The following NEXMIF variants were observed in gnomAD, a reference collection of about 807,000 sequenced individuals.
NEXMIF encodes the protein neurite extension and migration factor.
In NEXMIF, 8 loss-of-function variants were observed where a neutral mutation model predicts 62.1. The ratio of observed to expected loss-of-function variants is 0.13; its 90% confidence interval spans 0.08 to 0.23. The LOEUF (loss-of-function observed/expected upper bound fraction) is 0.23, where lower values mean the gene tolerates loss of function less well. NEXMIF is among the 10% of genes least tolerant of loss of function. The probability of loss-of-function intolerance (pLI) is 1.00; values close to 1 mark genes in which losing one functional copy is unlikely to be tolerated. For synonymous variants in NEXMIF, 404 were observed against 416.6 expected (o/e 0.97, Z 0.37); for missense variants, 976 against 1,113.3 (o/e 0.88, Z 1.75).
At chrX:74,797,455 T>C (rs1241895051) in intron 1 of NEXMIF, among the ~76,000 whole-genome samples, 1 of 112,076 alleles carries the variant, frequency 8.9e-6, no homozygotes, top group Non-Finnish European at 1.9e-5. Flanking sequence ...TTTGCAACTT[T>C]TCTGTAAGTA....
intron 1 of NEXMIF, among the ~76,000 whole-genome samples, chrX:74,833,096 A>C (rs773300600): frequency 5.3e-5 from 6 of 112,997 alleles, no homozygotes; most frequent in Non-Finnish European, 1.1e-4. Flanking sequence ...CAGCCTTTGG[A>C]TGAAATGTTC....
chrX:74,875,301 GA>G (rs1453687750), intron 1 of NEXMIF, among the ~76,000 whole-genome samples: 7 of 111,557 alleles, frequency 6.3e-5, no homozygotes, highest in African/African-American at 1.6e-4. Context: ...TACATTTATT[GA>G]TTTGCGTATA....
rs2080119765 is a variant in NEXMIF at position 74,744,552 on chromosome X, G to T, written c.80-75C>A. 3.2e-5 allele frequency: 24 copies of T among 753,599 alleles called. No homozygotes were observed. The South Asian group carries it at 7.3e-4, about 23-fold the overall frequency. 62.1% of individuals were successfully genotyped at this position (753,599 alleles called of 1,213,427 possible). ...CAGACTCATTAACTCTCTTTCCCTT[G>T]ATCAGTTTCTGGTACTTGATCTTAT... On this transcript the variant is annotated intron_variant, in intron 2 of 3. Coordinates refer to ENST00000055682, the MANE Select transcript of NEXMIF (RefSeq NM_001008537.3).
In NEXMIF at chrX:74,769,739, G is replaced by A; in HGVS notation, c.-47-24042C>T. The stretch of plus-strand genomic sequence containing the variant: ...CCATTTTCCACTGGAGTTACTGAAA[G>A]ATGAGGGACTGCAGTACTTGGAGAG... On this transcript the variant is annotated intron_variant, in intron 1 of 3. Coordinates refer to ENST00000055682, the MANE Select transcript of NEXMIF (RefSeq NM_001008537.3). 5.1e-6 allele frequency: 3 copies of A among 587,612 alleles called. No homozygotes were observed. In the South Asian group the frequency reaches 6.7e-5, roughly 13 times the overall value. The allele number at this position is 587,612 out of a possible 1,213,427, so 48.4% of individuals were successfully genotyped here.
intron 1 of NEXMIF, among the ~76,000 whole-genome samples, chrX:74,823,334 C>T (rs1051546718): frequency 6.3e-5 from 7 of 111,065 alleles, no homozygotes; most frequent in African/African-American, 1.6e-4. Flanking sequence ...ATGCCTTATA[C>T]GAGTGAATTG....
At chrX:74,835,169 T>A (rs2147486361) in intron 1 of NEXMIF, among the ~76,000 whole-genome samples, 1 of 112,156 alleles carries the variant, frequency 8.9e-6, no homozygotes, top group South Asian at 3.7e-4. Flanking sequence ...TATTTTAATC[T>A]CTTTGTTAAG....
intron 1 of NEXMIF, among the ~76,000 whole-genome samples, chrX:74,795,426 A>G (rs2080303281): frequency 1.8e-5 from 2 of 112,382 alleles, no homozygotes; most frequent in Admixed American, 1.9e-4. Context: ...AGGAGACAGA[A>G]GCCATACCCA....
At chrX:74,835,359 T>C (rs1204564009) in intron 1 of NEXMIF, among the ~76,000 whole-genome samples, 1 of 111,522 alleles carries the variant, frequency 9.0e-6, no homozygotes, top group Non-Finnish European at 1.9e-5. Flanking sequence ...ATCTTGCTGC[T>C]TGTAGATGTT....
intron 1 of NEXMIF, among the ~76,000 whole-genome samples, chrX:74,878,359 G>C (rs1602262137): frequency 8.9e-6 from 1 of 112,157 alleles, no homozygotes; most frequent in Non-Finnish European, 1.9e-5. Flanking sequence ...CAGATCTCCA[G>C]CTGCGTGCTG....
At chrX:74,893,181 A>C (rs2080723210) in intron 1 of NEXMIF, among the ~76,000 whole-genome samples, 1 of 112,484 alleles carries the variant, frequency 8.9e-6, no homozygotes, top group Admixed American at 9.4e-5. Flanking sequence ...CAAACAGTTA[A>C]AGGATGAAGA....
At chrX:74,882,839 G>C (rs1046835114) in intron 1 of NEXMIF, among the ~76,000 whole-genome samples, 1 of 112,259 alleles carries the variant, frequency 8.9e-6, no homozygotes, top group African/African-American at 3.2e-5. Context: ...AGAATGGGCA[G>C]ACTGCCTCCT....
chrX:74,796,354 T>C (rs2083333573), intron 1 of NEXMIF, among the ~76,000 whole-genome samples: 1 of 93,277 alleles, frequency 1.1e-5, no homozygotes, highest in African/African-American at 4.0e-5. Flanking sequence ...GATATATATG[T>C]ATACAAAGGT....
chrX:74,752,059 G>A (rs1440610562), intron 1 of NEXMIF, among the ~76,000 whole-genome samples: 2 of 110,953 alleles, frequency 1.8e-5, no homozygotes, highest in African/African-American at 6.6e-5. Flanking sequence ...CGGCTGTCTC[G>A]GCCTCCCAAA....
intron 1 of NEXMIF, among the ~76,000 whole-genome samples, chrX:74,896,565 T>C: frequency 8.9e-6 from 1 of 112,129 alleles, no homozygotes; most frequent in South Asian, 3.7e-4. Flanking sequence ...AAAAGTTTTC[T>C]AGCTCTTTCT....
At chrX:74,886,514 CAG>C (rs992848264) in intron 1 of NEXMIF, among the ~76,000 whole-genome samples, 12 of 111,712 alleles carry the variant, frequency 1.1e-4, no homozygotes, top group African/African-American at 3.9e-4. Context: ...AACAGACAAA[CAG>C]AGAGCCAAAT....
At chrX:74,783,808 A>T (rs950284098) in intron 1 of NEXMIF, among the ~76,000 whole-genome samples, 3 of 111,833 alleles carry the variant, frequency 2.7e-5, no homozygotes, top group Non-Finnish European at 5.6e-5. Context: ...TTTATTGTCC[A>T]TCTGTAAGAT....
chrX:74,901,084 G>A (rs1279869969), intron 1 of NEXMIF, among the ~76,000 whole-genome samples: 2 of 111,763 alleles, frequency 1.8e-5, no homozygotes, highest in African/African-American at 6.5e-5. Context: ...GGATGGTGGT[G>A]ATGGTTGCAT....
In NEXMIF at chrX:74,889,977, TCTCA is replaced by T. The variant is rs745881228; in HGVS notation, c.-48+34902_-48+34905del. On this transcript the variant is annotated intron_variant, in intron 1 of 3. Transcript: ENST00000055682. ...GTCTCTCTCTCTCTCTCTCTCTCTC[TCTCA>T]TTCTCTCTCATTCTCTTTCTCTCTC... 4.3e-3 allele frequency among the ~76,000 whole-genome samples: 450 copies of T among 103,775 alleles called. 1 individual carries two copies. The highest frequency in any genetic ancestry group is 0.015 in the South Asian group (31 of 2,057). The allele number at this position is 103,775 out of a possible 115,157, so 90.1% of individuals were successfully genotyped here. A position where few individuals can be genotyped will look rare whatever the true frequency, so the allele number is the denominator to read the frequency against.
At chrX:74,790,371 T>A (rs1443681704) in intron 1 of NEXMIF, among the ~76,000 whole-genome samples, 2 of 113,710 alleles carry the variant, frequency 1.8e-5, no homozygotes, top group East Asian at 5.5e-4. Context: ...ATGTTTTGGT[T>A]ACTGTAGCCT....
Sources: allele counts gnomAD v4.1 joint callset (sites outside exome capture counted in the v4.1 genomes callset), GRCh38; gene constraint gnomAD v4.1.1; transcripts MANE v1.5; gene names NCBI Gene and HGNC (gene_info 2026-07-23, HGNC 2026-07-21).